RALGPS2: variants seen among roughly 807,000 people sequenced by gnomAD.
RALGPS2 encodes ras-specific guanine nucleotide-releasing factor RalGPS2.
A neutral mutation model predicts 86.8 loss-of-function variants in RALGPS2; 43 were observed. The observed-to-expected ratio is 0.50, with a 90% CI of 0.39 to 0.64. The LOEUF (loss-of-function observed/expected upper bound fraction) is 0.64. Ranked by LOEUF, RALGPS2 falls within the 30% of genes least tolerant of loss-of-function variation. The pLI is 0.00. For missense variants in RALGPS2, 536 were observed against 694.6 expected, an observed-to-expected ratio of 0.77 and a Z score of 2.57; for synonymous variants, 243 against 231.3, an observed-to-expected ratio of 1.05 and a Z score of -0.46.
At chr1:178,852,419 T>TG (rs1657234628) in intron 8 of RALGPS2, among the ~76,000 whole-genome samples, 1 of 152,206 alleles carries the variant, frequency 6.6e-6, no homozygotes, top group Admixed American at 6.5e-5. Flanking sequence ...TGTAGGCACT[T>TG]GCATTTTATT....
intron 3 of RALGPS2, 78 bp downstream of exon 3, chr1:178,784,600 C>T (rs1272149754): frequency 3.6e-6 from 4 of 1,103,672 alleles, no homozygotes; most frequent in Non-Finnish European, 5.0e-6. Flanking sequence ...ATTTGTAGGT[C>T]CAGCAAAAGA....
Position 178,919,937 on chromosome 1 carries a change from T to TTTA in RALGPS2, c.*3578_*3579insTTA, listed in dbSNP as rs1647229510. The TTTA allele has an allele frequency of 6.6e-6, 1 of 152,070 alleles. No individual in the cohort carries two copies. The highest frequency in any genetic ancestry group is 1.9e-4 in the East Asian group (1 of 5,202). The allele number at this position is 152,070 out of a possible 1,614,324, so 9.4% of individuals were successfully genotyped here. ...TTTTGAAAAGGAAGATGAGTTTAACTGTGTCCAGGTGGAGTAATAGTACTG... is the reference window on the plus strand; with the variant it reads ...TTTTGAAAAGGAAGATGAGTTTAACTTTAGTGTCCAGGTGGAGTAATAGTACTG... On this transcript the variant is annotated 3_prime_UTR_variant, in exon 20 of 20. Transcript: ENST00000367635.
chr1:178,802,608 C>T (rs1654533256), intron 4 of RALGPS2, among the ~76,000 whole-genome samples: 1 of 152,140 alleles, frequency 6.6e-6, no homozygotes, highest in Non-Finnish European at 1.5e-5. Flanking sequence ...ACTCTCTACA[C>T]TTAAACTCAC....
chr1:178,854,833 A>G (rs1434424556), intron 8 of RALGPS2, among the ~76,000 whole-genome samples: 1 of 152,182 alleles, frequency 6.6e-6, no homozygotes, highest in Non-Finnish European at 1.5e-5. Context: ...AAATTTTACA[A>G]GTGACAACAC....
chr1:178,765,738 C>T (rs754017157), intron 1 of RALGPS2, among the ~76,000 whole-genome samples: 9 of 152,108 alleles, frequency 5.9e-5, no homozygotes, highest in African/African-American at 9.7e-5. Flanking sequence ...ATTCCCAAAG[C>T]GGCCATTTCA....
At position 178,736,735 on chromosome 1, in the gene RALGPS2, C is replaced by CA. The variant is rs573796076; in HGVS notation, c.-84+11323dup. ...GCAATGTGGTGAAACCCTGTCTCTA[C>CA]AAAAAAATGCAAAAAATTAGCCAGG... On this transcript the variant is annotated intron_variant, in intron 1 of 19. Transcript: ENST00000367635. Among the ~76,000 whole-genome samples, 1,515 of 151,792 alleles carry CA rather than the reference C, an allele frequency of 1.0e-2. 23 individuals are homozygous for CA. The highest frequency in any genetic ancestry group is 0.035 in the African/African-American group (1,443 of 41,380).
chr1:178,768,406 G>A (rs752983565), intron 1 of RALGPS2, among the ~76,000 whole-genome samples: 11 of 152,132 alleles, frequency 7.2e-5, no homozygotes, highest in Non-Finnish European at 1.6e-4. Flanking sequence ...ACTCCCTAGG[G>A]GGTGTGACTA....
intron 8 of RALGPS2, chr1:178,865,304 A>G: frequency 1.2e-6 from 2 of 1,613,990 alleles, no homozygotes; most frequent in Middle Eastern, 1.6e-4. Flanking sequence ...GACATTGAGG[A>G]TTTTGTTTTC....
chr1:178,736,174 T>C (rs1350677943), intron 1 of RALGPS2, among the ~76,000 whole-genome samples: 2 of 151,422 alleles, frequency 1.3e-5, no homozygotes, highest in Non-Finnish European at 3.0e-5. Flanking sequence ...TGTTTTTTTT[T>C]TTTTTTTCTG....
At chr1:178,847,315 G>A (rs1025213373) in intron 8 of RALGPS2, among the ~76,000 whole-genome samples, 2 of 152,132 alleles carry the variant, frequency 1.3e-5, no homozygotes, top group Non-Finnish European at 2.9e-5. Context: ...GTGTGGTGGT[G>A]GGCGCCTGTA....
At position 178,777,605 on chromosome 1, in the gene RALGPS2, A is replaced by G. The variant is rs1223424923; in HGVS notation, c.57+784A>G. Among the ~76,000 whole-genome samples the G allele has an allele frequency of 3.3e-5, 5 of 151,172 alleles. No homozygotes were observed. In the East Asian group the frequency reaches 9.7e-4, roughly 29 times the overall value. ...GCCAAGGCAATCCTAAGCCAAAAGA[A>G]CAAAGCTGGAGGCATCACACTACCT... On this transcript the variant is annotated intron_variant, in intron 2 of 19. Transcript: ENST00000367635.
At chr1:178,782,635 T>TC (rs1001417038) in intron 2 of RALGPS2, among the ~76,000 whole-genome samples, 15 of 151,048 alleles carry the variant, frequency 9.9e-5, no homozygotes, top group East Asian at 1.9e-4. Flanking sequence ...TATAGGGCAC[T>TC]CCCCCCCAGC....
At chr1:178,807,617 A>T (rs1184668222) in intron 4 of RALGPS2, among the ~76,000 whole-genome samples, 1 of 152,164 alleles carries the variant, frequency 6.6e-6, no homozygotes, top group Non-Finnish European at 1.5e-5. Context: ...GGGGATCATG[A>T]TCCCTTTTAT....
intron 4 of RALGPS2, among the ~76,000 whole-genome samples, chr1:178,791,188 A>G (rs1049071998): frequency 4.6e-5 from 7 of 151,848 alleles, no homozygotes; most frequent in Admixed American, 1.3e-4. Flanking sequence ...TGGCATGATC[A>G]CGGCCCACTG....
At chr1:178,818,604 A>G (rs1257997821) in intron 6 of RALGPS2, among the ~76,000 whole-genome samples, 1 of 152,068 alleles carries the variant, frequency 6.6e-6, no homozygotes, top group Non-Finnish European at 1.5e-5. Context: ...CAGTAAAGTA[A>G]GTTCCATTAG....
intron 6 of RALGPS2, among the ~76,000 whole-genome samples, chr1:178,820,602 T>C (rs1655450215): frequency 6.6e-6 from 1 of 152,236 alleles, no homozygotes; most frequent in Admixed American, 6.5e-5. Context: ...TAACCCTATA[T>C]ATACTTTTAT....
chr1:178,798,293 G>A (rs1010372313), intron 4 of RALGPS2, among the ~76,000 whole-genome samples: 4 of 152,138 alleles, frequency 2.6e-5, no homozygotes, highest in South Asian at 2.1e-4. Flanking sequence ...ACCACCTCGC[G>A]TTGCTATTAC....
chr1:178,757,476 G>GT (rs911990224), intron 1 of RALGPS2, among the ~76,000 whole-genome samples: 14 of 152,028 alleles, frequency 9.2e-5, no homozygotes, highest in South Asian at 2.1e-4. Flanking sequence ...TTGATGCCTA[G>GT]TTTTTTTGAG....
At chr1:178,789,460 T>C (rs533572820) in intron 4 of RALGPS2, among the ~76,000 whole-genome samples, 6 of 152,336 alleles carry the variant, frequency 3.9e-5, no homozygotes, top group Admixed American at 3.3e-4. Context: ...ATTATTATTG[T>C]TGTCGTATAC....
Sources: gnomAD v4.1 joint callset for allele counts (sites outside exome capture counted in the v4.1 genomes callset) on GRCh38, gnomAD v4.1.1 for gene constraint, MANE v1.5 for transcripts, NCBI Gene and HGNC (gene_info 2026-07-23, HGNC 2026-07-21) for gene names.